The following PTPRN2 variants were observed in gnomAD, a reference collection of about 807,000 sequenced individuals.
PTPRN2 encodes the protein receptor-type tyrosine-protein phosphatase N2.
A neutral mutation model predicts 118.8 loss-of-function variants in PTPRN2; 74 were observed. The ratio of observed to expected loss-of-function variants is 0.62; its 90% CI spans 0.52 to 0.76. The LOEUF (loss-of-function observed/expected upper bound fraction) is 0.76, where lower values mean the gene tolerates loss of function less well. PTPRN2 is among the 30% of genes least tolerant of loss of function. PTPRN2 has a pLI of 0.00. For missense variants in PTPRN2, 1,481 were observed against 1,394.4 expected (o/e 1.06, Z -0.99); for synonymous variants, 641 against 608.0 (o/e 1.05, Z -0.80).
Position 158,171,322 on chromosome 7 carries a change from T to TAC in PTPRN2, c.550-4032_550-4031insGT, listed in dbSNP as rs1823666920. 1.8e-5 allele frequency among the ~76,000 whole-genome samples: 2 copies of TAC among 112,406 alleles called. 1 individual carries two copies. The highest frequency in any genetic ancestry group is 7.1e-5 in the African/African-American group (2 of 28,164). 73.7% of individuals were successfully genotyped at this position (112,406 alleles called of 152,430 possible). On this transcript the variant is annotated intron_variant, in intron 5 of 22. Coordinates refer to ENST00000389418, the MANE Select transcript of PTPRN2 (RefSeq NM_002847.5). ...ATATATACACACATATATATATATATATATATATATATATATATATATATA... is the reference window on the plus strand; with the variant it reads ...ATATATACACACATATATATATATATACATATATATATATATATATATATATA...
intron 12 of PTPRN2, among the ~76,000 whole-genome samples, chr7:157,772,621 T>C (rs1403970920): frequency 6.6e-6 from 1 of 152,028 alleles, no homozygotes; most frequent in Non-Finnish European, 1.5e-5. Flanking sequence ...CTCCACACTC[T>C]CTCTAGGATG....
intron 2 of PTPRN2, among the ~76,000 whole-genome samples, chr7:158,461,817 G>C (rs1347513314): frequency 6.6e-6 from 1 of 152,186 alleles, no homozygotes; most frequent in Non-Finnish European, 1.5e-5. Flanking sequence ...TAACAAACGT[G>C]CTTTCAATTA....
intron 3 of PTPRN2, among the ~76,000 whole-genome samples, chr7:158,223,007 A>G (rs1322093945): frequency 2.0e-5 from 3 of 152,194 alleles, no homozygotes; most frequent in Admixed American, 2.0e-4. Flanking sequence ...AAGTCACTAC[A>G]GACTCTGCAA....
At chr7:158,245,497 G>A (rs149348105) in intron 3 of PTPRN2, among the ~76,000 whole-genome samples, 6 of 151,626 alleles carry the variant, frequency 4.0e-5, no homozygotes, top group Admixed American at 2.6e-4. Context: ...CGCATGGGCC[G>A]CCCTGGCCTG....
intron 10 of PTPRN2, among the ~76,000 whole-genome samples, chr7:158,100,499 C>A (rs796522619): frequency 2.6e-5 from 4 of 152,296 alleles, no homozygotes; most frequent in African/African-American, 9.6e-5. Flanking sequence ...AGTGGCTGTG[C>A]TAGTTTGCAC....
chr7:158,048,534 A>T (rs912544959), intron 11 of PTPRN2, among the ~76,000 whole-genome samples: 1 of 151,962 alleles, frequency 6.6e-6, no homozygotes, highest in African/African-American at 2.4e-5. Flanking sequence ...CATCATAATC[A>T]TATCATCCCA....
chr7:158,021,219 C>T (rs1407090167), intron 11 of PTPRN2, among the ~76,000 whole-genome samples: 1 of 152,112 alleles, frequency 6.6e-6, no homozygotes, highest in African/African-American at 2.4e-5. Context: ...GTTCTAATGC[C>T]TATATTTGCT....
chr7:158,233,013 G>C (rs1391788991), intron 3 of PTPRN2, among the ~76,000 whole-genome samples: 1 of 152,104 alleles, frequency 6.6e-6, no homozygotes, highest in Non-Finnish European at 1.5e-5. Flanking sequence ...CTAACATTTG[G>C]AGCAAGACAA....
In PTPRN2 at chr7:158,138,373, G is replaced by A. The variant is rs1819040546; in HGVS notation, c.1053C>T (p.Ser351=). 2 of 1,613,800 alleles carry A rather than the reference G, an allele frequency of 1.2e-6. No homozygotes were observed. The highest frequency in any genetic ancestry group is 1.7e-6 in the Non-Finnish European group (2 of 1,180,038). The change falls in exon 7 of 23, where the codon AGC becomes AGT. Residue 351 remains serine, a synonymous_variant. Transcript: ENST00000389418. The part of the protein sequence containing the change: ...QGVDHGVARG[S]PGRAALGESG... Reference sequence around the variant, plus strand: ...ACTCTCCCAGGGCCGCTCTCCCAGGGCTGCCTCGAGCTACTCCATGGTCCA... The same window carrying A: ...ACTCTCCCAGGGCCGCTCTCCCAGGACTGCCTCGAGCTACTCCATGGTCCA...
intron 2 of PTPRN2, among the ~76,000 whole-genome samples, chr7:158,382,361 C>T (rs1811026737): frequency 6.6e-6 from 1 of 152,172 alleles, no homozygotes; most frequent in Non-Finnish European, 1.5e-5. Context: ...TGGTGTAAAA[C>T]AGGTAAAACA....
chr7:158,522,118 G>A (rs369445213), intron 1 of PTPRN2, among the ~76,000 whole-genome samples: 1 of 74,240 alleles, frequency 1.3e-5, no homozygotes, highest in Non-Finnish European at 2.6e-5. Flanking sequence ...CACAATGGTG[G>A]ACTGTCCAGG....
At chr7:158,552,132 A>G (rs1015237194) in intron 1 of PTPRN2, among the ~76,000 whole-genome samples, 3 of 115,940 alleles carry the variant, frequency 2.6e-5, no homozygotes, top group African/African-American at 1.1e-4. Context: ...CCAGCTCCTA[A>G]CCCATTGCAT....
intron 2 of PTPRN2, among the ~76,000 whole-genome samples, chr7:158,377,804 C>T (rs1437858645): frequency 6.6e-6 from 1 of 152,204 alleles, no homozygotes; most frequent in Non-Finnish European, 1.5e-5. Context: ...GGACGGGCTG[C>T]TGGTACGGCC....
intron 6 of PTPRN2, among the ~76,000 whole-genome samples, chr7:158,162,600 G>A (rs908994460): frequency 3.3e-5 from 5 of 151,712 alleles, no homozygotes; most frequent in Admixed American, 2.6e-4. Context: ...TGGGGAAACT[G>A]GAGACGCTGA....
intron 11 of PTPRN2, among the ~76,000 whole-genome samples, chr7:157,969,371 A>G (rs1449240207): frequency 1.3e-5 from 2 of 152,058 alleles, no homozygotes; most frequent in African/African-American, 2.4e-5. Context: ...CAGCCTCCCA[A>G]TGTGCTGGGA....
At chr7:157,948,569 C>A (rs941665314) in intron 11 of PTPRN2, among the ~76,000 whole-genome samples, 4 of 152,142 alleles carry the variant, frequency 2.6e-5, no homozygotes, top group Admixed American at 2.6e-4. Flanking sequence ...ATACAGAAAC[C>A]AGCAGCAAAG....
At chr7:158,335,266 T>G (rs1225691721) in intron 2 of PTPRN2, among the ~76,000 whole-genome samples, 212 of 15,236 alleles carry the variant, frequency 0.014, no homozygotes, top group African/African-American at 0.043. Context: ...CCTGCAGACG[T>G]CACTCACACC....
At chr7:157,593,536 A>C (rs144413100) in intron 17 of PTPRN2, among the ~76,000 whole-genome samples, 1 of 152,230 alleles carries the variant, frequency 6.6e-6, no homozygotes, top group African/African-American at 2.4e-5. Flanking sequence ...TGAAAACTCC[A>C]GTGGTATTAG....
intron 2 of PTPRN2, among the ~76,000 whole-genome samples, chr7:158,356,597 A>G (rs1808401019): frequency 1.3e-5 from 2 of 152,060 alleles, no homozygotes; most frequent in Admixed American, 1.3e-4. Flanking sequence ...TAAGAACCCC[A>G]TGCACACCTC....
Sources: allele counts gnomAD v4.1 joint callset (sites outside exome capture counted in the v4.1 genomes callset), GRCh38; gene constraint gnomAD v4.1.1; transcripts MANE v1.5; gene names NCBI Gene and HGNC (gene_info 2026-07-23, HGNC 2026-07-21).